The following YBX1 variants were observed in gnomAD, a reference collection of about 807,000 sequenced individuals.
YBX1 encodes Y-box-binding protein 1.
Under a neutral mutation model 41.4 loss-of-function variants are expected in YBX1, and 3 were observed. The observed-to-expected ratio is 0.07, with a 90% CI of 0.03 to 0.19. The LOEUF (loss-of-function observed/expected upper bound fraction) is 0.19, where lower values mean the gene tolerates loss of function less well. YBX1 is among the 10% of genes least tolerant of loss of function. The pLI is 1.00. For synonymous variants in YBX1, 133 were observed against 165.8 expected, an observed-to-expected ratio of 0.80 and a Z score of 1.52; for missense variants, 274 against 462.8, an observed-to-expected ratio of 0.59 and a Z score of 3.74.
In YBX1 at chr1:42,703,072, C is replaced by T. The variant is rs1025244217; in HGVS notation, c.*1123C>T. On this transcript the variant is annotated 3_prime_UTR_variant, in exon 8 of 8. Transcript: ENST00000321358. ...ACCTTAGTAGCTGGGAGTACAGGTG[C>T]GTGCCACCACACCCAGCTAATTTTT... 3.9e-5 allele frequency among the ~76,000 whole-genome samples: 6 copies of T among 152,034 alleles called. No individual in the cohort carries two copies. Among genetic ancestry groups the T allele is most frequent in the African/African-American group, 2.4e-5 (1 of 41,396 alleles).
rs1557536033 is a variant in YBX1, at chr1:42,700,744, G to C, written c.741-37G>C. 9 of 1,556,938 alleles carry C rather than the reference G, an allele frequency of 5.8e-6. 1 individual carries two copies. In the South Asian group the frequency reaches 9.3e-5, roughly 16 times the overall value. On this transcript the variant is annotated intron_variant, in intron 6 of 7. Coordinates refer to ENST00000321358, the MANE Select transcript of YBX1 (RefSeq NM_004559.5). ...CTGGTGGGTGTGTTGAAGAGAGAAGGTTTTATCATTCTTAAGTTTGACACC... is the reference window on the plus strand; with the variant it reads ...CTGGTGGGTGTGTTGAAGAGAGAAGCTTTTATCATTCTTAAGTTTGACACC...
At chr1:42,689,730 G>C (rs575943468) in intron 2 of YBX1, among the ~76,000 whole-genome samples, 3 of 152,178 alleles carry the variant, frequency 2.0e-5, no homozygotes, top group Non-Finnish European at 4.4e-5. Context: ...CTGGCAAGCT[G>C]TAATTGTCTT....
At chr1:42,683,902 T>G (rs550219455) in intron 2 of YBX1, among the ~76,000 whole-genome samples, 13 of 152,340 alleles carry the variant, frequency 8.5e-5, no homozygotes, top group African/African-American at 2.2e-4. Flanking sequence ...GATTTGACTA[T>G]ATGAGGTTTT....
In YBX1 at chr1:42,697,233, G is replaced by T. The variant is rs1158492319; in HGVS notation, c.711G>T (p.Met237Ile). The T allele has an allele frequency of 1.2e-6, 2 of 1,614,006 alleles. No individual in the cohort carries two copies. The highest frequency in any genetic ancestry group is 2.2e-5 in the South Asian group (2 of 91,056). Residue 237 changes from methionine (M) to isoleucine (I), a missense_variant, in exon 6 of 8, where the codon ATG becomes ATT. Met to Ile is a conservative substitution (Grantham distance 10). Transcript: ENST00000321358. ...AAGGTAGACCAGTGAGGCAGAATAT[G>T]TATCGGGGATATAGACCACGATTCC... ...GEQGRPVRQN[M>I]YRGYRPRFRR... is the part of the protein sequence containing the mutation.
intron 2 of YBX1, among the ~76,000 whole-genome samples, chr1:42,691,100 A>G (rs866439845): frequency 7.2e-5 from 11 of 152,358 alleles, no homozygotes; most frequent in Middle Eastern, 3.4e-3. Flanking sequence ...TGCAAATTCA[A>G]AGCAGATCAA....
chr1:42,683,023 C>T (rs1211895747), intron 1 of YBX1: 2 of 363,490 alleles, frequency 5.5e-6, no homozygotes, highest in East Asian at 2.9e-4. Flanking sequence ...GCCGACCGGC[C>T]TCGTGCGCTC....
chr1:42,701,390 A>T (rs1158236130), intron 7 of YBX1, among the ~76,000 whole-genome samples: 1 of 152,202 alleles, frequency 6.6e-6, no homozygotes, highest in Non-Finnish European at 1.5e-5. Context: ...TCTGAGAAAT[A>T]TGTTAATTAC....
chr1:42,700,143 T>G (rs894017595), intron 6 of YBX1, among the ~76,000 whole-genome samples: 2 of 152,066 alleles, frequency 1.3e-5, no homozygotes, highest in African/African-American at 2.4e-5. Context: ...CCAAAAGATG[T>G]GGGGAAAGAG....
Position 42,703,720 on chromosome 1 carries a change from A to G in YBX1, c.*1771A>G, listed in dbSNP as rs561874272. 5.9e-5 allele frequency among the ~76,000 whole-genome samples: 9 copies of G among 152,280 alleles called. No homozygotes were observed. Among genetic ancestry groups the G allele is most frequent in the South Asian group, 2.1e-4 (1 of 4,824 alleles). On this transcript the variant is annotated 3_prime_UTR_variant, in exon 8 of 8. Transcript: ENST00000321358. ...TTTCTACTGAATCAACATTGTTTTC[A>G]TGGCATCACAGAGTTGAAAAATCAT... is the stretch of plus-strand genomic sequence containing the variant.
At chr1:42,683,315 C>T (rs766835319) in intron 1 of YBX1, 88 bp from the exon 2 acceptor site, 30 of 1,515,774 alleles carry the variant, frequency 2.0e-5, no homozygotes, top group African/African-American at 4.1e-5. Flanking sequence ...CGGCGGCCGG[C>T]GTGCGAGGGA....
At chr1:42,701,168 T>C (rs1036558354) in intron 7 of YBX1, 122 bp downstream of exon 7, 1 of 719,260 alleles carries the variant, frequency 1.4e-6, no homozygotes, top group African/African-American at 1.8e-5. Flanking sequence ...TTATTTATAA[T>C]GTGTTCTGCC....
At chr1:42,700,618 C>G (rs894846041) in intron 6 of YBX1, among the ~76,000 whole-genome samples, 163 bp from the exon 7 acceptor site, 15 of 132,938 alleles carry the variant, frequency 1.1e-4, no homozygotes, top group South Asian at 2.9e-4. Flanking sequence ...ATCCCCCCCC[C>G]CCCAAAAAAA....
At chr1:42,691,870 TA>T (rs147896126) in intron 2 of YBX1, among the ~76,000 whole-genome samples, 13,857 of 151,876 alleles carry the variant, frequency 0.091, 919 homozygotes, top group East Asian at 0.27. Context: ...TTTATTTTTT[TA>T]TTTTTTTTGA....
At chr1:42,687,864 A>G (rs1192609884) in intron 2 of YBX1, among the ~76,000 whole-genome samples, 3 of 152,220 alleles carry the variant, frequency 2.0e-5, no homozygotes, top group African/African-American at 7.2e-5. Context: ...AGTCATGGGT[A>G]GACCGTAACA....
At position 42,687,879 on chromosome 1, in the gene YBX1, T is replaced by C. The variant is rs552204925; in HGVS notation, c.230+4413T>C. 2.5e-4 allele frequency among the ~76,000 whole-genome samples: 38 copies of C among 152,338 alleles called. No homozygotes were observed. In the East Asian group the frequency reaches 7.3e-3, roughly 29 times the overall value. ...AGTCATGGGTAGACCGTAACATAAC[T>C]GACAAAATGTTTTGGCACTAGGGAA... On this transcript the variant is annotated intron_variant, in intron 2 of 7. Coordinates refer to ENST00000321358, the MANE Select transcript of YBX1 (RefSeq NM_004559.5).
chr1:42,693,393 C>G (rs1650387608), intron 2 of YBX1, 97 bp from the exon 3 acceptor site: 2 of 1,417,016 alleles, frequency 1.4e-6, no homozygotes, highest in South Asian at 2.4e-5. Context: ...TTTCCTGGTA[C>G]CTAATTGGCA....
rs897564700 is a variant in YBX1 at position 42,701,169 on chromosome 1, G to A, written c.*31+123G>A. On this transcript the variant is annotated intron_variant, in intron 7 of 7. Coordinates refer to ENST00000321358, the MANE Select transcript of YBX1 (RefSeq NM_004559.5). ...TAATGAAAGCCATGTTATTTATAAT[G>A]TGTTCTGCCCTATTCTTAATTACCT... is the stretch of plus-strand genomic sequence containing the variant. 4 of 715,942 alleles carry A rather than the reference G, an allele frequency of 5.6e-6. No individual in the cohort carries two copies. The South Asian group carries it at 5.7e-5, about 10-fold the overall frequency. 44.3% of individuals were successfully genotyped at this position (715,942 alleles called of 1,614,324 possible).
chr1:42,693,023 C>T (rs146853000), intron 2 of YBX1, among the ~76,000 whole-genome samples: 132 of 152,182 alleles, frequency 8.7e-4, no homozygotes, highest in Non-Finnish European at 1.5e-3. Context: ...TCACTCTTTG[C>T]GTTATACATT....
intron 2 of YBX1, among the ~76,000 whole-genome samples, chr1:42,692,024 G>A (rs1397564356): frequency 1.3e-5 from 2 of 152,080 alleles, no homozygotes; most frequent in South Asian, 2.1e-4. Flanking sequence ...CTAATTTTTT[G>A]TAATTTTAGT....
Sources: allele counts gnomAD v4.1 joint callset (sites outside exome capture counted in the v4.1 genomes callset), GRCh38; gene constraint gnomAD v4.1.1; transcripts MANE v1.5; gene names NCBI Gene and HGNC (gene_info 2026-07-23, HGNC 2026-07-21).